CLEC2A: variants seen among roughly 807,000 people sequenced by gnomAD.
CLEC2A encodes the protein C-type lectin domain family 2 member A, also known as keratinocyte-associated C-type lectin.
In CLEC2A, 19 loss-of-function variants were observed where a neutral mutation model predicts 18.6. The ratio of observed to expected loss-of-function variants is 1.02; its 90% CI spans 0.71 to 1.50. The LOEUF (loss-of-function observed/expected upper bound fraction) is 1.50. CLEC2A is among the 40% of genes most tolerant of loss of function. CLEC2A has a pLI of 0.00. For missense variants in CLEC2A, 190 were observed against 207.9 expected, an observed-to-expected ratio of 0.91 and a Z score of 0.53; for synonymous variants, 74 against 64.0, an observed-to-expected ratio of 1.16 and a Z score of -0.75.
At chr12:9,931,099 T>A (rs999696266) in intron 1 of CLEC2A, among the ~76,000 whole-genome samples, 7 of 152,172 alleles carry the variant, frequency 4.6e-5, no homozygotes, top group Non-Finnish European at 1.0e-4. Flanking sequence ...TTTCTCATAA[T>A]CTTCCAGTAC....
At chr12:9,919,343 C>A (rs1377248069) in intron 3 of CLEC2A, among the ~76,000 whole-genome samples, 1 of 152,218 alleles carries the variant, frequency 6.6e-6, no homozygotes, top group Non-Finnish European at 1.5e-5. Context: ...GATGGAGGGT[C>A]TCTGCTGTGG....
chr12:9,898,912 G>T, exon 5 of CLEC2A: 1 of 715,886 alleles, frequency 1.4e-6, no homozygotes, highest in Middle Eastern at 2.3e-4. Flanking sequence ...GCCTATCTAA[G>T]GGGTCCCAGC....
chr12:9,918,978 G>C (rs533864685), intron 3 of CLEC2A, among the ~76,000 whole-genome samples: 1 of 152,304 alleles, frequency 6.6e-6, no homozygotes, highest in Admixed American at 6.5e-5. Context: ...TGGTGTTGAA[G>C]ATTTGAGGTG....
the CLEC2A span, among the ~76,000 whole-genome samples, chr12:9,881,884 GT>G: frequency 2.6e-5 from 4 of 152,250 alleles, no homozygotes; most frequent in Admixed American, 2.6e-4. Flanking sequence ...ATATGACGAT[GT>G]GTAATCCTGT....
downstream of CLEC2A, among the ~76,000 whole-genome samples, chr12:9,909,853 A>C (rs1279096017): frequency 6.6e-6 from 1 of 151,994 alleles, no homozygotes; most frequent in African/African-American, 2.4e-5. Context: ...CTGAGGTGGC[A>C]ACAGCTGCTT....
At chr12:9,900,965 T>G (rs1320314548) in intron 4 of CLEC2A, among the ~76,000 whole-genome samples, 1 of 152,038 alleles carries the variant, frequency 6.6e-6, no homozygotes, top group Non-Finnish European at 1.5e-5. Flanking sequence ...GTTTCCAAAT[T>G]CTAGAGGAAC....
downstream of CLEC2A, among the ~76,000 whole-genome samples, chr12:9,896,833 A>T: frequency 6.6e-6 from 1 of 151,622 alleles, no homozygotes; most frequent in Admixed American, 6.6e-5. Flanking sequence ...TTTTATCAGA[A>T]CACAACACGA....
chr12:9,896,391 A>G (rs903920214), downstream of CLEC2A, among the ~76,000 whole-genome samples: 1 of 152,034 alleles, frequency 6.6e-6, no homozygotes, highest in Admixed American at 6.5e-5. Context: ...TAACAAAATT[A>G]TGCTTGTACC....
chr12:9,913,642 C>T lies in CLEC2A; in HGVS notation c.449G>A (p.Ser150Asn), dbSNP rs867813462. 7.7e-6 allele frequency: 12 copies of T among 1,549,598 alleles called. No individual in the cohort carries two copies. The highest frequency in any genetic ancestry group is 2.0e-5 in the Admixed American group (1 of 50,934). The stretch of plus-strand genomic sequence containing the variant: ...TCTGGAACTATGGACTCCATCAGCA[C>T]TCAAGAAAGCAAAGGATCCGTTCCC... ...IIGNGSFAFL[S>N]ADGVHSSRGF... Residue 150 changes from serine to asparagine, a missense_variant, in exon 5 of 5, where the codon AGT becomes AAT. By Grantham distance (46) the Ser-to-Asn change is conservative (BLOSUM62 1). Coordinates refer to ENST00000455827, the MANE Select transcript of CLEC2A (RefSeq NM_001130711.2).
At chr12:9,909,425 T>C (rs111664992), downstream of CLEC2A, among the ~76,000 whole-genome samples, 227 of 152,272 alleles carry the variant, frequency 1.5e-3, no homozygotes, top group African/African-American at 5.3e-3. Context: ...CCCCTTTCTC[T>C]CCCTGAAAAC....
At chr12:9,893,398 T>C in the CLEC2A span, 1 of 1,077,456 alleles carries the variant, frequency 9.3e-7, no homozygotes, top group East Asian at 2.6e-5. Context: ...TTTAAACAAA[T>C]GAATGAATAA....
chr12:9,918,701 C>G (rs1279523758), intron 3 of CLEC2A, among the ~76,000 whole-genome samples: 1 of 152,220 alleles, frequency 6.6e-6, no homozygotes, highest in Admixed American at 6.5e-5. Context: ...GCCATTCCAG[C>G]CAGTTCAGCC....
At chr12:9,925,342 T>C (rs1369263903) in intron 2 of CLEC2A, among the ~76,000 whole-genome samples, 1 of 152,214 alleles carries the variant, frequency 6.6e-6, no homozygotes, top group East Asian at 1.9e-4. Context: ...TTACTCTTGA[T>C]TAAAAAGAAA....
At chr12:9,910,214 GTTCTT>G (rs1004041676), downstream of CLEC2A, among the ~76,000 whole-genome samples, 4 of 152,094 alleles carry the variant, frequency 2.6e-5, no homozygotes, top group African/African-American at 9.7e-5. Flanking sequence ...TTTATGTTTG[GTTCTT>G]TTATTATCTT....
downstream of CLEC2A, among the ~76,000 whole-genome samples, chr12:9,896,034 T>C (rs1162856443): frequency 6.6e-6 from 1 of 152,232 alleles, no homozygotes; most frequent in Non-Finnish European, 1.5e-5. Flanking sequence ...TTCTGGTTTG[T>C]CTTTTCCATG....
downstream of CLEC2A, among the ~76,000 whole-genome samples, chr12:9,894,253 C>G (rs1862728371): frequency 6.6e-6 from 1 of 150,972 alleles, no homozygotes; most frequent in South Asian, 2.1e-4. Context: ...ATGATCGTGG[C>G]TTACTGCAGA....
At chr12:9,880,685 G>A in the CLEC2A span, among the ~76,000 whole-genome samples, 1 of 152,132 alleles carries the variant, frequency 6.6e-6, no homozygotes, top group Non-Finnish European at 1.5e-5. Flanking sequence ...GTAGAATCAG[G>A]AGGAGCTAAT....
the CLEC2A span, among the ~76,000 whole-genome samples, chr12:9,885,479 G>C: frequency 6.6e-6 from 1 of 151,588 alleles, no homozygotes; most frequent in Admixed American, 6.6e-5. Context: ...TGATTTTTCT[G>C]TCTTGCTTTT....
At chr12:9,908,623 C>T (rs536207806), downstream of CLEC2A, among the ~76,000 whole-genome samples, 42 of 152,090 alleles carry the variant, frequency 2.8e-4, no homozygotes, top group African/African-American at 8.9e-4. Context: ...GAGCCCCTGG[C>T]CCCCCCTATT....
Sources: allele counts gnomAD v4.1 joint callset (sites outside exome capture counted in the v4.1 genomes callset), GRCh38; gene constraint gnomAD v4.1.1; transcripts MANE v1.5; gene names NCBI Gene and HGNC (gene_info 2026-07-23, HGNC 2026-07-21).